The following HOMER1 variants were observed in gnomAD, a reference collection of about 807,000 sequenced individuals.
The protein encoded by HOMER1 is homer protein homolog 1.
HOMER1 carries 3 observed loss-of-function variants against 48.9 expected under a neutral mutation model. The observed-to-expected ratio is 0.06, with a 90% CI of 0.03 to 0.16. The LOEUF (loss-of-function observed/expected upper bound fraction) is 0.16, where lower values mean the gene tolerates loss of function less well. Among genes scored for constraint, HOMER1 ranks in the 10% least tolerant of loss-of-function variants. The probability of loss-of-function intolerance (pLI) is 1.00; values close to 1 mark genes in which losing one functional copy is unlikely to be tolerated. For missense variants in HOMER1, 247 were observed against 411.4 expected (o/e 0.60, Z 3.46); for synonymous variants, 134 against 146.4 (o/e 0.92, Z 0.61).
chr5:79,420,369 C>T (rs1750064016), intron 5 of HOMER1, among the ~76,000 whole-genome samples: 2 of 152,062 alleles, frequency 1.3e-5, no homozygotes, highest in Admixed American at 1.3e-4. Flanking sequence ...AGCAGATGCC[C>T]CTCCCTCTGC....
At chr5:79,495,000 G>A (rs1752382303) in intron 1 of HOMER1, among the ~76,000 whole-genome samples, 1 of 152,128 alleles carries the variant, frequency 6.6e-6, no homozygotes, top group South Asian at 2.1e-4. Flanking sequence ...GTCATATGCA[G>A]GAAGAAGTTA....
intron 5 of HOMER1, among the ~76,000 whole-genome samples, chr5:79,414,294 A>C (rs893661327): frequency 2.6e-5 from 4 of 150,946 alleles, no homozygotes; most frequent in African/African-American, 9.7e-5. Context: ...GCAGTTTTGC[A>C]GTGTTGTCCA....
At chr5:79,469,906 G>A (rs1751573141) in intron 1 of HOMER1, among the ~76,000 whole-genome samples, 1 of 152,178 alleles carries the variant, frequency 6.6e-6, no homozygotes, top group East Asian at 1.9e-4. Context: ...GTGATGTGGT[G>A]TTTGTGCTTA....
At chr5:79,385,842 CAAAAAAAAAAAAAAAA>C (rs33968519) in intron 8 of HOMER1, among the ~76,000 whole-genome samples, 2 of 70,794 alleles carry the variant, frequency 2.8e-5, no homozygotes, top group Non-Finnish European at 4.8e-5. Context: ...GACTCTGTCT[CAAAAAAAAAAAAAAAA>C]AAAAAAAAAG....
At chr5:79,492,995 T>C (rs779336690) in intron 1 of HOMER1, among the ~76,000 whole-genome samples, 64 of 143,478 alleles carry the variant, frequency 4.5e-4, no homozygotes, top group Non-Finnish European at 7.9e-4. Flanking sequence ...CGTGGCTCAA[T>C]GTAACCTCCG....
At chr5:79,446,280 C>G (rs781699628) in intron 4 of HOMER1, among the ~76,000 whole-genome samples, 1 of 152,168 alleles carries the variant, frequency 6.6e-6, no homozygotes, top group East Asian at 1.9e-4. Context: ...ATTATTCAAC[C>G]CAGCCAATCC....
At chr5:79,505,844 G>A (rs1752751218) in intron 1 of HOMER1, among the ~76,000 whole-genome samples, 1 of 151,734 alleles carries the variant, frequency 6.6e-6, no homozygotes, top group African/African-American at 2.4e-5. Context: ...TACCTTAATA[G>A]AAAAAAACAT....
chr5:79,419,965 A>T (rs1750051267), intron 5 of HOMER1, among the ~76,000 whole-genome samples: 1 of 151,550 alleles, frequency 6.6e-6, no homozygotes, highest in Admixed American at 6.6e-5. Flanking sequence ...TTTCATTTGG[A>T]GAAGATGTAA....
intron 6 of HOMER1, 177 bp from the exon 7 acceptor site, chr5:79,397,814 G>A: frequency 2.4e-6 from 1 of 409,874 alleles, no homozygotes; most frequent in Non-Finnish European, 4.2e-6. Context: ...TATAAAACTA[G>A]GAAAAGGGAA....
At chr5:79,391,504 G>C (rs929367251) in intron 8 of HOMER1, among the ~76,000 whole-genome samples, 4 of 151,790 alleles carry the variant, frequency 2.6e-5, no homozygotes, top group African/African-American at 9.7e-5. Context: ...CAGCACTTTG[G>C]GAGGCCGAGG....
intron 1 of HOMER1, among the ~76,000 whole-genome samples, chr5:79,488,846 A>T (rs1319036827): frequency 6.6e-6 from 1 of 152,198 alleles, no homozygotes; most frequent in East Asian, 1.9e-4. Context: ...ATGTTAAGTG[A>T]CCTATTCAAG....
At chr5:79,461,008 A>G (rs1176292134) in intron 1 of HOMER1, among the ~76,000 whole-genome samples, 2 of 152,166 alleles carry the variant, frequency 1.3e-5, no homozygotes, top group Non-Finnish European at 2.9e-5. Context: ...TCAGATGCCT[A>G]CAGGGTTTGG....
chr5:79,378,850 A>T (rs1748846364), intron 8 of HOMER1, among the ~76,000 whole-genome samples: 3 of 151,440 alleles, frequency 2.0e-5, no homozygotes, highest in Non-Finnish European at 4.4e-5. Context: ...AGCTAATAAA[A>T]TTGTGTTATT....
At chr5:79,450,877 G>T in intron 3 of HOMER1, 113 bp downstream of exon 3, 1 of 1,052,418 alleles carries the variant, frequency 9.5e-7, no homozygotes, top group Non-Finnish European at 1.3e-6. Context: ...CTGCTGTTTC[G>T]AGAATATTAA....
At position 79,427,718 on chromosome 5, in the gene HOMER1, C is replaced by G. The variant is rs1006603803; in HGVS notation, c.527+11292G>C. Among the ~76,000 whole-genome samples, 2 of 102,832 alleles carry G rather than the reference C, an allele frequency of 1.9e-5. 1 individual carries two copies. The highest frequency in any genetic ancestry group is 6.2e-4 in the East Asian group (2 of 3,212). The allele number at this position is 102,832 out of a possible 152,430, so 67.5% of individuals were successfully genotyped here. ...TCCTTTCCTTCCTTCCTTTCCTTCC[C>G]TTCCTTCCTTCCCTTCCTTCCTTTC... is the stretch of plus-strand genomic sequence containing the variant. On this transcript the variant is annotated intron_variant, in intron 5 of 8. Transcript: ENST00000334082.
intron 1 of HOMER1, among the ~76,000 whole-genome samples, chr5:79,495,114 A>G (rs1051822532): frequency 2.6e-5 from 4 of 152,204 alleles, no homozygotes; most frequent in South Asian, 2.1e-4. Context: ...AAATATACAC[A>G]TATGAAGGAA....
At chr5:79,503,012 G>A (rs1169844108) in intron 1 of HOMER1, among the ~76,000 whole-genome samples, 1 of 151,808 alleles carries the variant, frequency 6.6e-6, no homozygotes, top group East Asian at 2.0e-4. Context: ...GGACGGTCTT[G>A]ATCTGACCTC....
At chr5:79,494,124 C>T (rs1752359211) in intron 1 of HOMER1, among the ~76,000 whole-genome samples, 1 of 152,194 alleles carries the variant, frequency 6.6e-6, no homozygotes, top group African/African-American at 2.4e-5. Context: ...GCTTTCTCAG[C>T]TGCCCCTTAA....
At chr5:79,403,617 G>A (rs1007075466) in intron 5 of HOMER1, among the ~76,000 whole-genome samples, 3 of 152,166 alleles carry the variant, frequency 2.0e-5, no homozygotes, top group African/African-American at 7.2e-5. Context: ...TAAATGCAAG[G>A]TGGGATCTTA....
Sources: allele counts gnomAD v4.1 joint callset (sites outside exome capture counted in the v4.1 genomes callset), GRCh38; gene constraint gnomAD v4.1.1; transcripts MANE v1.5; gene names NCBI Gene and HGNC (gene_info 2026-07-23, HGNC 2026-07-21).